The following SLC60A1 variants were observed in gnomAD, a reference collection of about 807,000 sequenced individuals.
SLC60A1 encodes solute carrier family 60 member 1.
the SLC60A1 span, chr1:205,597,716 T>A: frequency 1.3e-6 from 2 of 1,569,164 alleles, no homozygotes; most frequent in African/African-American, 2.7e-5. Flanking sequence ...GCAACCTGGA[T>A]TGTAATGCTG....
chr1:205,587,363 T>C, the SLC60A1 span, among the ~76,000 whole-genome samples: 1 of 152,024 alleles, frequency 6.6e-6, no homozygotes, highest in East Asian at 1.9e-4. Context: ...GGACATAAGG[T>C]TGCAGTTTCA....
At chr1:205,580,551 G>C in the SLC60A1 span, 1 of 1,394,734 alleles carries the variant, frequency 7.2e-7, no homozygotes, top group African/African-American at 1.4e-5. The surrounding 1 kb of genome is among the most constrained non-coding windows in gnomAD (Gnocchi z 5.0). Flanking sequence ...AGAGGGTGGG[G>C]CTGGGGGAGG....
chr1:205,585,380 T>TTACAAA, the SLC60A1 span, among the ~76,000 whole-genome samples: 3 of 152,174 alleles, frequency 2.0e-5, no homozygotes, highest in African/African-American at 7.2e-5. This position sits in a 1 kb window ranked among gnomAD's most constrained non-coding sequence, Gnocchi z 4.2. Context: ...CCTGGGTGTC[T>TTACAAA]CGAGCCAGTG....
the SLC60A1 span, among the ~76,000 whole-genome samples, chr1:205,576,178 C>T: frequency 1.3e-5 from 2 of 152,162 alleles, no homozygotes; most frequent in African/African-American, 2.4e-5. Context: ...CCCCAAAGGG[C>T]ACTGCAGCAG....
the SLC60A1 span, among the ~76,000 whole-genome samples, chr1:205,569,504 T>A: frequency 1.1e-5 from 1 of 88,040 alleles, no homozygotes; most frequent in East Asian, 7.5e-4. Flanking sequence ...CCCCCGCAGC[T>A]CTCCCTGGAA....
chr1:205,599,309 C>CT, the SLC60A1 span: 7 of 1,601,458 alleles, frequency 4.4e-6, no homozygotes, highest in Non-Finnish European at 6.0e-6. Flanking sequence ...GGTCGGGGAG[C>CT]GGGGGAGCAG....
chr1:205,570,085 C>G, the SLC60A1 span, among the ~76,000 whole-genome samples: 28 of 152,330 alleles, frequency 1.8e-4, no homozygotes, highest in South Asian at 5.8e-3. Context: ...TGCTGGGCCT[C>G]TGCCCCACGA....
chr1:205,571,565 A>G, the SLC60A1 span, among the ~76,000 whole-genome samples: 1 of 152,176 alleles, frequency 6.6e-6, no homozygotes, highest in African/African-American at 2.4e-5. Context: ...ACAAAATGCC[A>G]TGAAGAACTC....
chr1:205,595,337 C>A, the SLC60A1 span, among the ~76,000 whole-genome samples: 1 of 152,190 alleles, frequency 6.6e-6, no homozygotes, highest in African/African-American at 2.4e-5. Context: ...CCTGGAACAT[C>A]CTCCCTGCTC....
chr1:205,597,904 A>G, the SLC60A1 span: 9 of 1,561,544 alleles, frequency 5.8e-6, no homozygotes, highest in Admixed American at 1.7e-5. Flanking sequence ...CTCCTCTGAC[A>G]GGTGAGAAGA....
the SLC60A1 span, chr1:205,584,224 T>TC: frequency 7.7e-7 from 1 of 1,300,456 alleles, no homozygotes. Context: ...GGTGATTTTT[T>TC]TTTTTTTTTT....
the SLC60A1 span, chr1:205,580,629 A>ACCCCCCCC: frequency 2.5e-5 from 16 of 639,766 alleles, no homozygotes; most frequent in South Asian, 1.7e-4. This position sits in a 1 kb window ranked among gnomAD's most constrained non-coding sequence, Gnocchi z 5.0. Context: ...ACTGACCCCC[A>ACCCCCCCC]CCCCCACCCG....
chr1:205,599,460 G>A, the SLC60A1 span, among the ~76,000 whole-genome samples: 1 of 152,148 alleles, frequency 6.6e-6, no homozygotes, highest in Admixed American at 6.5e-5. Flanking sequence ...TAAGATAGGC[G>A]AGAGCTGGGT....
At chr1:205,580,188 G>A in the SLC60A1 span, among the ~76,000 whole-genome samples, 2 of 152,164 alleles carry the variant, frequency 1.3e-5, no homozygotes, top group African/African-American at 4.8e-5. The surrounding 1 kb of genome is among the most constrained non-coding windows in gnomAD (Gnocchi z 5.0). Flanking sequence ...AAGGTGGTGT[G>A]ACTCAGGGCT....
chr1:205,593,090 G>A, the SLC60A1 span, among the ~76,000 whole-genome samples: 6 of 152,150 alleles, frequency 3.9e-5, no homozygotes, highest in South Asian at 4.2e-4. Context: ...CTATAGCAAA[G>A]ATCTCTTTTT....
chr1:205,571,902 G>A, the SLC60A1 span, among the ~76,000 whole-genome samples: 5 of 152,220 alleles, frequency 3.3e-5, no homozygotes, highest in African/African-American at 4.8e-5. Context: ...GCTGTTGCGG[G>A]GGAGTGGGGG....
At chr1:205,578,129 T>C in the SLC60A1 span, among the ~76,000 whole-genome samples, 1 of 151,656 alleles carries the variant, frequency 6.6e-6, no homozygotes, top group Non-Finnish European at 1.5e-5. Flanking sequence ...TTCGAGAGAG[T>C]TTTTGCACTT....
chr1:205,592,518 T>A, the SLC60A1 span, among the ~76,000 whole-genome samples: 2 of 152,252 alleles, frequency 1.3e-5, no homozygotes, highest in African/African-American at 4.8e-5. Context: ...TATCTCCTAA[T>A]GCTATCCCTC....
At chr1:205,580,592 C>T in the SLC60A1 span, 4 of 1,569,014 alleles carry the variant, frequency 2.5e-6, no homozygotes, top group Admixed American at 3.4e-5. This position sits in a 1 kb window ranked among gnomAD's most constrained non-coding sequence, Gnocchi z 5.0. Context: ...GGACCGGAGG[C>T]CAGGCCACCA....
Sources: allele counts gnomAD v4.1 joint callset (sites outside exome capture counted in the v4.1 genomes callset), GRCh38; gene constraint gnomAD v4.1.1; non-coding constraint Gnocchi (gnomAD v3.1); transcripts MANE v1.5; gene names NCBI Gene and HGNC (gene_info 2026-07-23, HGNC 2026-07-21).